CARMIL1: variants seen among roughly 807,000 people sequenced by gnomAD.
CARMIL1 encodes capping protein regulator and myosin 1 linker 1, also known as F-actin-uncapping protein LRRC16A.
A neutral mutation model predicts 177.1 loss-of-function variants in CARMIL1; 90 were observed. That is an observed-to-expected ratio of 0.51 (90% confidence interval 0.43 to 0.61). CARMIL1 has a LOEUF of 0.61. CARMIL1 is among the 20% of genes least tolerant of loss of function. The pLI is 0.00. For missense variants in CARMIL1, 1,380 were observed against 1,667.0 expected (o/e 0.83, Z 3.00); for synonymous variants, 577 against 606.2 (o/e 0.95, Z 0.71).
chr6:25,289,938 C>T (rs1046658195), intron 2 of CARMIL1, among the ~76,000 whole-genome samples: 1 of 151,132 alleles, frequency 6.6e-6, no homozygotes, highest in Non-Finnish European at 1.5e-5. Context: ...GTGATAAATG[C>T]CAAGGAGTGC....
intron 29 of CARMIL1, among the ~76,000 whole-genome samples, chr6:25,564,807 C>CT (rs1811418300): frequency 6.6e-6 from 1 of 151,730 alleles, no homozygotes; most frequent in Non-Finnish European, 1.5e-5. Flanking sequence ...ACATATGGGC[C>CT]TCAGCTCATT....
At chr6:25,567,653 G>C (rs1811673821) in intron 29 of CARMIL1, among the ~76,000 whole-genome samples, 1 of 152,194 alleles carries the variant, frequency 6.6e-6, no homozygotes, top group African/African-American at 2.4e-5. Flanking sequence ...AAGTAGGGTA[G>C]ATTTACTTGG....
chr6:25,370,266 C>A (rs1466601885), intron 2 of CARMIL1, among the ~76,000 whole-genome samples: 1 of 152,170 alleles, frequency 6.6e-6, no homozygotes, highest in Non-Finnish European at 1.5e-5. Context: ...ATTTTCATTT[C>A]AGAACTGGAC....
rs190770638 is a variant in CARMIL1 at position 25,314,588 on chromosome 6, A to G, written c.138+29679A>G. ...TGTATACATTCACACATGCACTTAT[A>G]TATTCACAATGATAGTTAAGCTAGT... On this transcript the variant is annotated intron_variant, in intron 2 of 36. Coordinates refer to ENST00000329474, the MANE Select transcript of CARMIL1 (RefSeq NM_017640.6). Among the ~76,000 whole-genome samples the G allele has an allele frequency of 8.0e-3, 876 of 109,366 alleles. 6 individuals carry two copies. The highest frequency in any genetic ancestry group is 0.011 in the Non-Finnish European group (635 of 58,514). The allele number at this position is 109,366 out of a possible 152,430, so 71.7% of individuals were successfully genotyped here. A position where few individuals can be genotyped will look rare whatever the true frequency, so the allele number is the denominator to read the frequency against.
At chr6:25,342,020 C>G (rs1489899134) in intron 2 of CARMIL1, among the ~76,000 whole-genome samples, 6 of 152,140 alleles carry the variant, frequency 3.9e-5, no homozygotes, top group South Asian at 2.1e-4. Context: ...GGGCTAGTTG[C>G]TAGCAACTTA....
chr6:25,408,190 A>T (rs897868707), intron 2 of CARMIL1, among the ~76,000 whole-genome samples: 1 of 150,752 alleles, frequency 6.6e-6, no homozygotes, highest in Non-Finnish European at 1.5e-5. Flanking sequence ...TGAAAAGCTG[A>T]GGCAGGAGGA....
At chr6:25,364,608 G>T (rs10434844) in intron 2 of CARMIL1, among the ~76,000 whole-genome samples, 6,404 of 149,368 alleles carry the variant, frequency 0.043, 372 homozygotes, top group East Asian at 0.3. Context: ...TTGTCACCCA[G>T]ACTGGAGTGC....
chr6:25,475,002 A>G (rs189570839), intron 11 of CARMIL1, among the ~76,000 whole-genome samples: 171 of 152,358 alleles, frequency 1.1e-3, no homozygotes, highest in African/African-American at 3.9e-3. Flanking sequence ...TAGTGTGGCA[A>G]TAATCAAAAT....
At chr6:25,581,552 G>C in intron 31 of CARMIL1, 113 bp downstream of exon 31, 1 of 923,334 alleles carries the variant, frequency 1.1e-6, no homozygotes, top group Admixed American at 3.0e-5. Flanking sequence ...TGGTTAAGGA[G>C]ACTAGAACCT....
chr6:25,598,265 A>C (rs1815045042), intron 32 of CARMIL1, among the ~76,000 whole-genome samples: 1 of 151,802 alleles, frequency 6.6e-6, no homozygotes, highest in African/African-American at 2.4e-5. Flanking sequence ...TTGAGATAGC[A>C]TCTCACTCTG....
In CARMIL1 at chr6:25,515,442, A is replaced by G. The variant is rs1277443196; in HGVS notation, c.1633-233A>G. On this transcript the variant is annotated intron_variant, in intron 20 of 36. Transcript: ENST00000329474. The surrounding 1 kb of genome is among the most constrained non-coding windows in gnomAD (Gnocchi z 5.0). The stretch of plus-strand genomic sequence containing the variant: ...GCATGTCTTTCCCTGGCTTCCCTTA[A>G]AAGAGAAGTGGTAGGTATTCAGCAT... Among the ~76,000 whole-genome samples the G allele has an allele frequency of 2.0e-5, 3 of 152,094 alleles. No individual in the cohort carries two copies. The highest frequency in any genetic ancestry group is 4.4e-5 in the Non-Finnish European group (3 of 68,020).
chr6:25,457,152 A>G (rs539147671), intron 8 of CARMIL1, among the ~76,000 whole-genome samples: 86 of 152,302 alleles, frequency 5.6e-4, no homozygotes, highest in Middle Eastern at 3.4e-3. Context: ...GGGGTGAACA[A>G]GATGATGATA....
In CARMIL1 at chr6:25,279,406, G is replaced by A; in HGVS notation, c.-390G>A. 2.9e-6 allele frequency: 1 copy of A among 340,070 alleles called. No individual in the cohort carries two copies. Among genetic ancestry groups the A allele is most frequent in the Non-Finnish European group, 5.5e-6 (1 of 182,816 alleles). 21.1% of individuals were successfully genotyped at this position (340,070 alleles called of 1,614,324 possible). A position where few individuals can be genotyped will look rare whatever the true frequency, so the allele number is the denominator to read the frequency against. The stretch of plus-strand genomic sequence containing the variant: ...CCCACGCCTTCCGCTTTCACCTAGG[G>A]CTGTAGGTGCGGCGCGGAGGCTGGG... On this transcript the variant is annotated 5_prime_UTR_variant, in exon 1 of 37. Coordinates refer to ENST00000329474, the MANE Select transcript of CARMIL1 (RefSeq NM_017640.6).
chr6:25,359,910 A>G (rs1308348604), intron 2 of CARMIL1, among the ~76,000 whole-genome samples: 2 of 152,230 alleles, frequency 1.3e-5, no homozygotes, highest in African/African-American at 2.4e-5. Context: ...TTTTTAAAAA[A>G]GGAAAAAAAA....
intron 17 of CARMIL1, among the ~76,000 whole-genome samples, chr6:25,504,432 T>A (rs1381529441): frequency 6.6e-6 from 1 of 152,122 alleles, no homozygotes; most frequent in Non-Finnish European, 1.5e-5. Flanking sequence ...TCACACTCAT[T>A]AATTTGAATG....
chr6:25,450,760 C>A (rs763166368), intron 8 of CARMIL1, 49 bp downstream of exon 8: 3 of 405,472 alleles, frequency 7.4e-6, no homozygotes, highest in African/African-American at 1.1e-4. Context: ...CCCTTCCTCC[C>A]TCCCTTCCTC....
intron 26 of CARMIL1, among the ~76,000 whole-genome samples, chr6:25,548,714 T>A (rs944568281): frequency 1.3e-5 from 2 of 152,138 alleles, no homozygotes; most frequent in South Asian, 2.1e-4. Context: ...AACAAACTTA[T>A]AAGTAATGAA....
At chr6:25,555,354 T>A (rs930979085) in intron 28 of CARMIL1, among the ~76,000 whole-genome samples, 13 of 151,530 alleles carry the variant, frequency 8.6e-5, no homozygotes, top group East Asian at 1.9e-4. Context: ...AGCCTTTTTT[T>A]AAATAAGTAC....
At position 25,316,874 on chromosome 6, in the gene CARMIL1, T is replaced by C. The variant is rs140425631; in HGVS notation, c.138+31965T>C. 8.0e-3 allele frequency among the ~76,000 whole-genome samples: 1,223 copies of C among 152,290 alleles called. 14 individuals are homozygous for C. Among genetic ancestry groups the C allele is most frequent in the African/African-American group, 0.026 (1,082 of 41,560 alleles). On this transcript the variant is annotated intron_variant, in intron 2 of 36. Coordinates refer to ENST00000329474, the MANE Select transcript of CARMIL1 (RefSeq NM_017640.6). ...TGTTAAATCCTCATTATGCTGCCAC[T>C]CTTGAGTCCTGTTAGGTTACTAGAA...
Sources: allele counts gnomAD v4.1 joint callset (sites outside exome capture counted in the v4.1 genomes callset), GRCh38; gene constraint gnomAD v4.1.1; non-coding constraint Gnocchi (gnomAD v3.1); transcripts MANE v1.5; gene names NCBI Gene and HGNC (gene_info 2026-07-23, HGNC 2026-07-21).